ADGRL3: variants seen among roughly 807,000 people sequenced by gnomAD.
ADGRL3 encodes the protein calcium-independent alpha-latrotoxin receptor 3.
ADGRL3 carries 62 observed loss-of-function variants against 153.5 expected under a neutral mutation model. That is an observed-to-expected ratio of 0.40 (90% CI 0.33 to 0.50). ADGRL3 has a LOEUF of 0.50. ADGRL3 is among the 20% of genes least tolerant of loss of function. The pLI is 0.47. For missense variants in ADGRL3, 1,641 were observed against 1,859.4 expected (o/e 0.88, Z 2.16); for synonymous variants, 710 against 672.5 (o/e 1.06, Z -0.86).
intron 17 of ADGRL3, among the ~76,000 whole-genome samples, chr4:61,970,858 C>T (rs780269457): frequency 3.3e-5 from 5 of 152,130 alleles, no homozygotes; most frequent in African/African-American, 7.2e-5. Context: ...TTCCCAAGAG[C>T]TTGTGAGGTG....
intron 4 of ADGRL3, among the ~76,000 whole-genome samples, chr4:61,527,235 C>T (rs904878706): frequency 3.3e-5 from 5 of 151,740 alleles, no homozygotes; most frequent in Admixed American, 6.6e-5. Flanking sequence ...CCATTCTGTC[C>T]ATCTAATGCT....
intron 9 of ADGRL3, among the ~76,000 whole-genome samples, chr4:61,863,803 A>T (rs2098373564): frequency 1.3e-5 from 2 of 152,240 alleles, no homozygotes; most frequent in Non-Finnish European, 2.9e-5. Flanking sequence ...AGAGATTAAA[A>T]TCATACAAGC....
At chr4:61,228,047 C>T (rs1453042865) in intron 1 of ADGRL3, among the ~76,000 whole-genome samples, 9 of 152,188 alleles carry the variant, frequency 5.9e-5, no homozygotes, top group Admixed American at 5.9e-4. Flanking sequence ...ATTTAACATT[C>T]ATACAGTTCT....
intron 13 of ADGRL3, chr4:61,933,824 G>GT (rs1322954543): frequency 6.6e-6 from 1 of 152,188 alleles, no homozygotes; most frequent in Non-Finnish European, 1.5e-5. Flanking sequence ...TGTCAATAAT[G>GT]TGAGTCCTGT....
intron 1 of ADGRL3, among the ~76,000 whole-genome samples, chr4:61,259,574 T>C (rs1034268024): frequency 1.3e-5 from 2 of 152,182 alleles, no homozygotes; most frequent in Non-Finnish European, 2.9e-5. Flanking sequence ...CCTAGGGTTT[T>C]CACTTTTATC....
chr4:61,641,619 T>A (rs1287343590), intron 5 of ADGRL3, among the ~76,000 whole-genome samples: 1 of 152,002 alleles, frequency 6.6e-6, no homozygotes, highest in African/African-American at 2.4e-5. Flanking sequence ...CATGAACTCA[T>A]CAATTTTTAT....
intron 5 of ADGRL3, among the ~76,000 whole-genome samples, chr4:61,646,646 A>G (rs922640753): frequency 7.9e-5 from 12 of 152,170 alleles, no homozygotes; most frequent in Non-Finnish European, 1.3e-4. Context: ...TCAGATCTCC[A>G]GCTGCGTGCT....
At chr4:61,368,490 T>C (rs1262846005) in intron 1 of ADGRL3, among the ~76,000 whole-genome samples, 1 of 152,190 alleles carries the variant, frequency 6.6e-6, no homozygotes. Flanking sequence ...TGGGGAATCC[T>C]TTCCCCATTG....
At chr4:61,343,036 C>G (rs1351100442) in intron 1 of ADGRL3, among the ~76,000 whole-genome samples, 1 of 152,104 alleles carries the variant, frequency 6.6e-6, no homozygotes, top group Non-Finnish European at 1.5e-5. Flanking sequence ...AGGGAAACCT[C>G]TTTTAAAACC....
At chr4:61,714,861 C>A (rs1372747754) in intron 6 of ADGRL3, among the ~76,000 whole-genome samples, 1 of 152,120 alleles carries the variant, frequency 6.6e-6, no homozygotes, top group Non-Finnish European at 1.5e-5. Context: ...CGGTAAACTA[C>A]CTGAATCAAA....
chr4:61,520,435 C>T (rs1254743553), intron 4 of ADGRL3, among the ~76,000 whole-genome samples: 1 of 152,114 alleles, frequency 6.6e-6, no homozygotes, highest in African/African-American at 2.4e-5. Context: ...ACAGCTAAAG[C>T]ATTTCAGTCC....
intron 9 of ADGRL3, among the ~76,000 whole-genome samples, chr4:61,886,516 G>T (rs2098539747): frequency 3.3e-5 from 5 of 151,594 alleles, no homozygotes; most frequent in Admixed American, 2.6e-4. Context: ...CATGAAGAAA[G>T]GTACATATTT....
chr4:61,593,918 C>G (rs1320039494), intron 5 of ADGRL3, among the ~76,000 whole-genome samples: 2 of 152,018 alleles, frequency 1.3e-5, no homozygotes, highest in Non-Finnish European at 2.9e-5. Flanking sequence ...TTCTCTCCCT[C>G]CTCTTTAAAG....
At chr4:61,379,943 A>C (rs1473172774) in intron 1 of ADGRL3, among the ~76,000 whole-genome samples, 1 of 151,992 alleles carries the variant, frequency 6.6e-6, no homozygotes, top group Non-Finnish European at 1.5e-5. Context: ...GAGGATGTAG[A>C]GTCTGAATTT....
At chr4:61,424,218 G>A (rs995444509) in intron 2 of ADGRL3, among the ~76,000 whole-genome samples, 2 of 152,074 alleles carry the variant, frequency 1.3e-5, no homozygotes, top group Non-Finnish European at 2.9e-5. Flanking sequence ...TCATAACATG[G>A]TAGCATAACT....
At chr4:61,486,626 T>A (rs1201512417) in intron 2 of ADGRL3, among the ~76,000 whole-genome samples, 1 of 152,242 alleles carries the variant, frequency 6.6e-6, no homozygotes, top group Non-Finnish European at 1.5e-5. Context: ...ATTTGGTTAT[T>A]CTCAGTAATA....
chr4:61,820,612 T>G (rs1298351503), intron 9 of ADGRL3, among the ~76,000 whole-genome samples: 1 of 152,154 alleles, frequency 6.6e-6, no homozygotes, highest in Non-Finnish European at 1.5e-5. Flanking sequence ...TTAAAACAAG[T>G]TTGTTATAAT....
chr4:61,707,899 C>T lies in ADGRL3; in HGVS notation c.584-22723C>T, dbSNP rs1307075014. ...TAGAGACATTGTGGAGGGCTCAACT[C>T]ACCATGTCACTGCTTGTATTAATTT... On this transcript the variant is annotated intron_variant, in intron 6 of 26. Transcript: ENST00000683033. 2.6e-5 allele frequency among the ~76,000 whole-genome samples: 4 copies of T among 152,244 alleles called. No homozygotes were observed. The East Asian group carries it at 5.8e-4, about 22-fold the overall frequency.
intron 1 of ADGRL3, among the ~76,000 whole-genome samples, chr4:61,356,652 GCTT>G (rs2096177106): frequency 6.6e-6 from 1 of 151,746 alleles, no homozygotes. Flanking sequence ...TTGAATTTTT[GCTT>G]CTTAATTTTA....
Sources: gnomAD v4.1 joint callset for allele counts (sites outside exome capture counted in the v4.1 genomes callset) on GRCh38, gnomAD v4.1.1 for gene constraint, MANE v1.5 for transcripts, NCBI Gene and HGNC (gene_info 2026-07-23, HGNC 2026-07-21) for gene names.